Variants in ZNF831 observed in about 807,000 individuals in gnomAD.
The protein encoded by ZNF831 is zinc finger protein 831.
In ZNF831, 59 loss-of-function variants were observed where a neutral mutation model predicts 95.8. The observed-to-expected ratio is 0.62, with a 90% CI of 0.50 to 0.77. The LOEUF (loss-of-function observed/expected upper bound fraction) is 0.77, where lower values mean the gene tolerates loss of function less well. Ranked by LOEUF, ZNF831 falls within the 30% of genes least tolerant of loss-of-function variation. The pLI, the probability that ZNF831 is intolerant of heterozygous loss-of-function variation, is 0.00. For missense variants in ZNF831, 2,205 were observed against 2,164.0 expected (o/e 1.02, Z -0.38); for synonymous variants, 961 against 925.5 (o/e 1.04, Z -0.70).
chr20:59,249,877 A>T (rs1195979850), intron 4 of ZNF831, among the ~76,000 whole-genome samples: 1 of 152,124 alleles, frequency 6.6e-6, no homozygotes, highest in Non-Finnish European at 1.5e-5. Context: ...GGTGTTTTTA[A>T]TATATAAGCT....
chr20:59,206,479 C>G lies in ZNF831; in HGVS notation c.3876-426C>G, dbSNP rs1259142482. ...AGACTCAGTTTCTCAGACACACTAACTACATTTCAAATGCACAATAGCTAC... is the reference window on the plus strand; with the variant it reads ...AGACTCAGTTTCTCAGACACACTAAGTACATTTCAAATGCACAATAGCTAC... On this transcript the variant is annotated intron_variant, in intron 3 of 5. Transcript: ENST00000371030. Among the ~76,000 whole-genome samples, 3 of 152,316 alleles carry G rather than the reference C, an allele frequency of 2.0e-5. No homozygotes were observed. The East Asian group carries it at 5.8e-4, about 29-fold the overall frequency.
intron 2 of ZNF831, among the ~76,000 whole-genome samples, chr20:59,152,761 T>C (rs937902287): frequency 3.9e-5 from 6 of 151,922 alleles, no homozygotes; most frequent in African/African-American, 1.5e-4. Context: ...TTGGGGCCCC[T>C]GACATGGGCC....
At chr20:59,185,823 G>T (rs886239185) in intron 1 of ZNF831, among the ~76,000 whole-genome samples, 7 of 152,156 alleles carry the variant, frequency 4.6e-5, no homozygotes, top group African/African-American at 1.7e-4. Context: ...TTATAACCGG[G>T]GGATCAGGAC....
intron 4 of ZNF831, among the ~76,000 whole-genome samples, chr20:59,244,853 G>C (rs1217855899): frequency 6.6e-6 from 1 of 152,138 alleles, no homozygotes; most frequent in African/African-American, 2.4e-5. Flanking sequence ...CTATTTATCT[G>C]TTCATCCCTT....
intron 4 of ZNF831, among the ~76,000 whole-genome samples, chr20:59,209,760 C>A (rs1985161009): frequency 7.6e-6 from 1 of 131,002 alleles, no homozygotes; most frequent in Non-Finnish European, 1.5e-5. Flanking sequence ...GCTTCTGGGG[C>A]CTCCAGCTAT....
intron 2 of ZNF831, among the ~76,000 whole-genome samples, chr20:59,148,081 A>C (rs1293274793): frequency 6.6e-6 from 1 of 152,218 alleles, no homozygotes; most frequent in Admixed American, 6.5e-5. Context: ...AATGCTTGAG[A>C]ATGTTCTCCT....
chr20:59,253,869 C>CCCCTT, intron 5 of ZNF831, 29 bp from the exon 6 acceptor site: 2 of 1,067,574 alleles, frequency 1.9e-6, no homozygotes, highest in Admixed American at 2.6e-5. Context: ...TCCCCCCCCA[C>CCCCTT]TTTTTTTTTC....
At chr20:59,227,408 G>A (rs1310789882) in intron 4 of ZNF831, among the ~76,000 whole-genome samples, 1 of 152,196 alleles carries the variant, frequency 6.6e-6, no homozygotes, top group Non-Finnish European at 1.5e-5. Flanking sequence ...TAGAGGGATT[G>A]AAATGGGACC....
rs1361463506 is a variant in ZNF831 at position 59,192,773 on chromosome 20, C to T, written c.1754C>T (p.Thr585Ile). 6.8e-6 allele frequency: 11 copies of T among 1,612,416 alleles called. No individual in the cohort carries two copies. The highest frequency in any genetic ancestry group is 9.3e-6 in the Non-Finnish European group (11 of 1,179,810). The change falls in exon 2 of 6, where the codon ACA becomes ATA. Residue 585 changes from threonine (T) to isoleucine (I), a missense_variant. Physicochemically the swap from Thr to Ile is moderately conservative, Grantham distance 89. Coordinates refer to ENST00000371030, the MANE Select transcript of ZNF831 (RefSeq NM_178457.3). This position sits in a 1 kb window ranked among gnomAD's most constrained non-coding sequence, Gnocchi z 5.2. ...IGDALVPAEDTDAKRTAAREA... is the reference protein window; with the variant it reads ...IGDALVPAEDIDAKRTAAREA... ...GATGCCCTGGTGCCCGCAGAGGACA[C>T]AGACGCAAAGAGAACTGCTGCGCGG...
chr20:59,229,303 C>T (rs1366755779), intron 4 of ZNF831, among the ~76,000 whole-genome samples: 1 of 152,116 alleles, frequency 6.6e-6, no homozygotes, highest in Non-Finnish European at 1.5e-5. Context: ...TAATGATTTC[C>T]CTTCTTTTGG....
At chr20:59,186,706 C>T (rs937190278) in intron 1 of ZNF831, among the ~76,000 whole-genome samples, 11 of 152,160 alleles carry the variant, frequency 7.2e-5, no homozygotes, top group African/African-American at 1.9e-4. Flanking sequence ...AGCTCTTATC[C>T]GTTCTGGCAG....
Position 59,193,711 on chromosome 20 carries a change from G to A in ZNF831, c.2692G>A (p.Gly898Arg), listed in dbSNP as rs1187299879. The A allele has an allele frequency of 6.2e-7, 1 of 1,612,510 alleles. No individual in the cohort carries two copies. The highest frequency in any genetic ancestry group is 8.5e-7 in the Non-Finnish European group (1 of 1,179,464). ...TGCTTCTGTTGCCCTGAAGAGGGTG[G>A]GGCCAAGGGACAAGGCTACCCCACT... The part of the protein sequence containing the change: ...AAASVALKRV[G>R]PRDKATPLHP... The change falls in exon 2 of 6, where the codon GGG becomes AGG. Residue 898 changes from glycine (G) to arginine (R), a missense_variant. By Grantham distance (125) the Gly-to-Arg change is moderately radical. Coordinates refer to ENST00000371030, the MANE Select transcript of ZNF831 (RefSeq NM_178457.3).
intron 2 of ZNF831, among the ~76,000 whole-genome samples, chr20:59,147,195 A>T (rs1979916003): frequency 6.6e-6 from 1 of 152,216 alleles, no homozygotes. Flanking sequence ...AAAAGCTCCA[A>T]ATTCTGTGCA....
chr20:59,207,081 C>A (rs749068255), intron 4 of ZNF831, 25 bp downstream of exon 4: 1 of 1,608,386 alleles, frequency 6.2e-7, no homozygotes, highest in Non-Finnish European at 8.5e-7. Flanking sequence ...GGAGGTGCAT[C>A]CAGACTGGGC....
At chr20:59,231,888 G>A (rs996858435) in intron 4 of ZNF831, among the ~76,000 whole-genome samples, 16 of 152,134 alleles carry the variant, frequency 1.1e-4, no homozygotes, top group African/African-American at 3.9e-4. Flanking sequence ...CAAATTATAT[G>A]GTGAGCTACG....
rs1422191536 is a variant in ZNF831, at chr20:59,255,545, GTC to G, written c.*808_*809del. The G allele has an allele frequency of 6.6e-6, 1 of 152,140 alleles. No individual in the cohort carries two copies. Among genetic ancestry groups the G allele is most frequent in the East Asian group, 1.9e-4 (1 of 5,188 alleles). 9.4% of individuals were successfully genotyped at this position (152,140 alleles called of 1,614,324 possible). A position where few individuals can be genotyped will look rare whatever the true frequency, so the allele number is the denominator to read the frequency against. ...AACGGTGTTAAAAGTTAATAGAACTGTCTCTCTGTAATGAGTCATTTTTTGAG... is the reference window on the plus strand; with the variant it reads ...AACGGTGTTAAAAGTTAATAGAACTGTCTCTGTAATGAGTCATTTTTTGAG... On this transcript the variant is annotated 3_prime_UTR_variant, in exon 6 of 6. Coordinates refer to ENST00000371030, the MANE Select transcript of ZNF831 (RefSeq NM_178457.3).
intron 1 of ZNF831, among the ~76,000 whole-genome samples, chr20:59,139,715 G>A (rs1436652908): frequency 6.6e-6 from 1 of 152,130 alleles, no homozygotes; most frequent in Non-Finnish European, 1.5e-5. Flanking sequence ...AGTCAGAACC[G>A]AAGCAGAAAA....
intron 3 of ZNF831, among the ~76,000 whole-genome samples, chr20:59,197,127 C>T (rs536201201): frequency 2.0e-5 from 3 of 152,162 alleles, no homozygotes; most frequent in East Asian, 3.9e-4. Context: ...AGGGGCGATC[C>T]AAATTCCTAA....
intron 1 of ZNF831, among the ~76,000 whole-genome samples, chr20:59,129,121 G>A (rs959864533): frequency 3.9e-5 from 6 of 152,186 alleles, no homozygotes; most frequent in African/African-American, 7.2e-5. Context: ...GAGTTTTCCC[G>A]TGGTTCCTAC....
Sources: allele counts gnomAD v4.1 joint callset (sites outside exome capture counted in the v4.1 genomes callset), GRCh38; gene constraint gnomAD v4.1.1; non-coding constraint Gnocchi (gnomAD v3.1); transcripts MANE v1.5; gene names NCBI Gene and HGNC (gene_info 2026-07-23, HGNC 2026-07-21).